RASGRP1: variants seen among roughly 807,000 people sequenced by gnomAD.
The protein encoded by RASGRP1 is RAS guanyl releasing protein 1.
In RASGRP1, 37 loss-of-function variants were observed where a neutral mutation model predicts 95.1. That is an observed-to-expected ratio of 0.39 (90% CI 0.30 to 0.51). The LOEUF (loss-of-function observed/expected upper bound fraction) is 0.51. Ranked by LOEUF, RASGRP1 falls within the 20% of genes least tolerant of loss-of-function variation. The pLI is 0.80. For synonymous variants in RASGRP1, 325 were observed against 353.4 expected (o/e 0.92, Z 0.90); for missense variants, 711 against 965.4 (o/e 0.74, Z 3.49).
Position 38,490,530 on chromosome 15 carries a change from A to C in RASGRP1, c.*24T>G. The C allele has an allele frequency of 6.2e-7, 1 of 1,607,458 alleles. No individual in the cohort carries two copies. Among genetic ancestry groups the C allele is most frequent in the African/African-American group, 1.3e-5 (1 of 74,836 alleles). Reference sequence around the variant, plus strand: ...AAATGAGATCACTATACTCATCTACAGATTGTGCTACTTAGTTTCTGGGCT... The same window carrying C: ...AAATGAGATCACTATACTCATCTACCGATTGTGCTACTTAGTTTCTGGGCT... On this transcript the variant is annotated 3_prime_UTR_variant, in exon 17 of 17. Coordinates refer to ENST00000310803, the MANE Select transcript of RASGRP1 (RefSeq NM_005739.4).
chr15:38,539,066 T>C (rs1436592475), intron 2 of RASGRP1, among the ~76,000 whole-genome samples: 2 of 152,098 alleles, frequency 1.3e-5, no homozygotes, highest in Non-Finnish European at 2.9e-5. Context: ...ATTTTATAGG[T>C]GAGGAAACAG....
chr15:38,523,166 TTAAC>T (rs1292332773), intron 3 of RASGRP1, among the ~76,000 whole-genome samples: 1 of 152,180 alleles, frequency 6.6e-6, no homozygotes, highest in Non-Finnish European at 1.5e-5. Context: ...ACTAACACTA[TTAAC>T]TGAAATTGAC....
chr15:38,488,590 T>A lies in RASGRP1; in HGVS notation c.*1964A>T, dbSNP rs182392641. ...TTTAGCCATTGCTAATTTGACTAAT[T>A]AAGTGGACTGTGACACCTTTTGAAT... is the stretch of plus-strand genomic sequence containing the variant. On this transcript the variant is annotated 3_prime_UTR_variant, in exon 17 of 17. Transcript: ENST00000310803. The A allele has an allele frequency of 2.9e-3, 441 of 152,108 alleles. 3 individuals are homozygous for A. Among genetic ancestry groups the A allele is most frequent in the African/African-American group, 0.01 (424 of 41,536 alleles). 9.4% of individuals were successfully genotyped at this position (152,108 alleles called of 1,614,324 possible). A position where few individuals can be genotyped will look rare whatever the true frequency, so the allele number is the denominator to read the frequency against.
chr15:38,557,811 T>C (rs2141196373), intron 2 of RASGRP1, among the ~76,000 whole-genome samples: 1 of 152,298 alleles, frequency 6.6e-6, no homozygotes, highest in Admixed American at 6.5e-5. Context: ...AACGGGACTT[T>C]TACAGCTTTG....
chr15:38,559,825 A>G lies in RASGRP1; in HGVS notation c.216T>C (p.Ser72=), dbSNP rs559430624. Residue 72 remains serine (S), a synonymous_variant, in exon 2 of 17, where the codon TCT becomes TCC. Transcript: ENST00000310803. ...GTGGGCAGTTAGCCAACTTACCAAA[A>G]GATTGAATGCAGCTGTCAATGAGAT... ...LDDLIDSCIQ[S]FDADGNLCRS... is the part of the protein sequence containing the mutation. 1 of 1,613,274 alleles carries G rather than the reference A, an allele frequency of 6.2e-7. No homozygotes were observed. Among genetic ancestry groups the G allele is most frequent in the South Asian group, 1.1e-5 (1 of 91,066 alleles).
chr15:38,496,943 C>T (rs547020440), intron 15 of RASGRP1, among the ~76,000 whole-genome samples: 5 of 152,314 alleles, frequency 3.3e-5, no homozygotes, highest in East Asian at 1.9e-4. Context: ...TCTGTTGTAA[C>T]GATAGTGGCC....
chr15:38,542,840 T>C (rs1038166297), intron 2 of RASGRP1, among the ~76,000 whole-genome samples: 1 of 128,240 alleles, frequency 7.8e-6, no homozygotes, highest in Non-Finnish European at 1.6e-5. Flanking sequence ...TATGTGTATA[T>C]ATATATATGT....
At chr15:38,536,129 C>T (rs769344951) in intron 2 of RASGRP1, among the ~76,000 whole-genome samples, 6 of 152,240 alleles carry the variant, frequency 3.9e-5, no homozygotes, top group African/African-American at 1.4e-4. Flanking sequence ...ATCAAACTCT[C>T]TAGGAACAAT....
chr15:38,548,955 T>C (rs566815241), intron 2 of RASGRP1, among the ~76,000 whole-genome samples: 1 of 152,202 alleles, frequency 6.6e-6, no homozygotes, highest in East Asian at 1.9e-4. Context: ...ACACAATAAA[T>C]GTAGGGAGCT....
intron 2 of RASGRP1, among the ~76,000 whole-genome samples, chr15:38,557,758 T>C (rs1441592559): frequency 2.0e-5 from 3 of 152,116 alleles, no homozygotes; most frequent in East Asian, 3.9e-4. Context: ...AATTAAGGGC[T>C]TAACCAATGC....
chr15:38,516,174 T>G, intron 6 of RASGRP1, 23 bp downstream of exon 6: 1 of 1,549,566 alleles, frequency 6.5e-7, no homozygotes, highest in Non-Finnish European at 8.9e-7. Context: ...GGAAGATTTT[T>G]CTCCTGCCCC....
At chr15:38,561,650 C>T (rs1893815016) in intron 1 of RASGRP1, among the ~76,000 whole-genome samples, 2 of 152,224 alleles carry the variant, frequency 1.3e-5, no homozygotes, top group South Asian at 4.1e-4. Context: ...GGCACCCTGG[C>T]CCTTCAGGTT....
intron 2 of RASGRP1, among the ~76,000 whole-genome samples, chr15:38,546,844 A>G (rs1420279429): frequency 2.0e-5 from 3 of 152,244 alleles, no homozygotes; most frequent in Non-Finnish European, 2.9e-5. Context: ...GGTATTGGTC[A>G]TAAGAACTAC....
chr15:38,497,188 A>T (rs944663457), intron 15 of RASGRP1, among the ~76,000 whole-genome samples: 2 of 152,206 alleles, frequency 1.3e-5, no homozygotes, highest in African/African-American at 4.8e-5. Context: ...GTGTTTTGAC[A>T]TGCTGGCTAA....
chr15:38,494,231 G>T, intron 16 of RASGRP1, 151 bp downstream of exon 16: 1 of 1,025,684 alleles, frequency 9.7e-7, no homozygotes, highest in Non-Finnish European at 1.5e-6. Flanking sequence ...CTTCCTCCCT[G>T]TTTCTCCCTC....
chr15:38,523,094 A>T (rs1012921041), intron 3 of RASGRP1, among the ~76,000 whole-genome samples: 9 of 152,240 alleles, frequency 5.9e-5, no homozygotes, highest in Non-Finnish European at 5.9e-5. Flanking sequence ...AGACTGTAGG[A>T]GGTGAAAGCA....
At chr15:38,502,233 A>C in intron 12 of RASGRP1, 79 bp downstream of exon 12, 1 of 1,011,366 alleles carries the variant, frequency 9.9e-7, no homozygotes, top group South Asian at 1.5e-5. Flanking sequence ...TGAGTTTTCA[A>C]ATTCTTCTAG....
At chr15:38,526,997 G>T (rs527265506) in intron 2 of RASGRP1, among the ~76,000 whole-genome samples, 26 of 152,258 alleles carry the variant, frequency 1.7e-4, no homozygotes, top group Admixed American at 3.9e-4. Flanking sequence ...TTTTAAGATT[G>T]CAAGTGGATT....
chr15:38,554,259 C>T (rs1893458263), intron 2 of RASGRP1, among the ~76,000 whole-genome samples: 1 of 152,146 alleles, frequency 6.6e-6, no homozygotes, highest in South Asian at 2.1e-4. Flanking sequence ...CCCTGAGCTA[C>T]AATTCTCTAT....
Sources: allele counts gnomAD v4.1 joint callset (sites outside exome capture counted in the v4.1 genomes callset), GRCh38; gene constraint gnomAD v4.1.1; transcripts MANE v1.5; gene names NCBI Gene and HGNC (gene_info 2026-07-23, HGNC 2026-07-21).